The following TSC2 variants were observed in gnomAD, a reference collection of about 807,000 sequenced individuals.
TSC2 encodes the protein TSC complex subunit 2, also known as tuberin.
TSC2 carries 29 observed loss-of-function variants against 202.2 expected under a neutral mutation model. The ratio of observed to expected loss-of-function variants is 0.14; its 90% CI spans 0.11 to 0.20. The LOEUF (loss-of-function observed/expected upper bound fraction) is 0.20. Ranked by LOEUF, TSC2 falls within the 10% of genes least tolerant of loss-of-function variation. The probability of loss-of-function intolerance (pLI) is 1.00; values close to 1 mark genes in which losing one functional copy is unlikely to be tolerated. For missense variants in TSC2, 2,429 were observed against 2,420.0 expected (o/e 1.00, Z -0.08); for synonymous variants, 1,349 against 1,044.0 (o/e 1.29, Z -5.63).
At chr16:2,051,677 A>G (rs1038612786) in intron 3 of TSC2, among the ~76,000 whole-genome samples, 3 of 152,216 alleles carry the variant, frequency 2.0e-5, no homozygotes, top group African/African-American at 4.8e-5. Context: ...TGGACCTCTC[A>G]TGCTCAGATC....
At chr16:2,087,175 A>T (rs1423588536) in intron 38 of TSC2, 1 of 464,828 alleles carries the variant, frequency 2.2e-6, no homozygotes, top group African/African-American at 2.0e-5. Flanking sequence ...TTGGGCCCCC[A>T]CCATCTCCCC....
chr16:2,052,529 G>A (rs1201872520), intron 3 of TSC2, among the ~76,000 whole-genome samples: 1 of 152,122 alleles, frequency 6.6e-6, no homozygotes, highest in East Asian at 1.9e-4. Flanking sequence ...AGGCTAGTCT[G>A]AAACTCCTGG....
rs903216714 is a variant in TSC2 at position 2,048,059 on chromosome 16, G to C, written c.-36G>C. 5.6e-6 allele frequency: 8 copies of C among 1,424,828 alleles called. No individual in the cohort carries two copies. Among genetic ancestry groups the C allele is most frequent in the Non-Finnish European group, 7.3e-6 (8 of 1,096,730 alleles). The allele number at this position is 1,424,828 out of a possible 1,614,324, so 88.3% of individuals were successfully genotyped here. A position where few individuals can be genotyped will look rare whatever the true frequency, so the allele number is the denominator to read the frequency against. On this transcript the variant is annotated 5_prime_UTR_variant, in exon 1 of 42. Coordinates refer to ENST00000219476, the MANE Select transcript of TSC2 (RefSeq NM_000548.5). ...GGGCGGCCCGGAGCGCGGTGGCGCG[G>C]CGCGGGGTAAGTGGCGGTCCCCACG... is the stretch of plus-strand genomic sequence containing the variant.
In TSC2 at chr16:2,062,934, G is replaced by A. The variant is rs940548415; in HGVS notation, c.1362-38G>A. Reference sequence around the variant, plus strand: ...CGGGCTGGTGTGGGGCTGTGGCCGGGCACTCCCCACCCGCCCCAGCAGGCT... The same window carrying A: ...CGGGCTGGTGTGGGGCTGTGGCCGGACACTCCCCACCCGCCCCAGCAGGCT... On this transcript the variant is annotated intron_variant, in intron 13 of 41. Coordinates refer to ENST00000219476, the MANE Select transcript of TSC2 (RefSeq NM_000548.5). The A allele has an allele frequency of 5.8e-6, 9 of 1,543,118 alleles. No individual in the cohort carries two copies. The Admixed American group carries it at 1.2e-4, about 20-fold the overall frequency.
At chr16:2,059,532 T>C (rs1275696885) in intron 10 of TSC2, among the ~76,000 whole-genome samples, 2 of 147,742 alleles carry the variant, frequency 1.4e-5, no homozygotes, top group East Asian at 4.0e-4. Context: ...TTTTTTTTTT[T>C]TAATGGGACA....
In TSC2 at chr16:2,071,962, G is replaced by A. The variant is rs397514882; in HGVS notation, c.2097+28G>A. 2.4e-4 allele frequency: 367 copies of A among 1,551,700 alleles called. No homozygotes were observed. The highest frequency in any genetic ancestry group is 2.9e-4 in the Non-Finnish European group (334 of 1,147,606). On this transcript the variant is annotated intron_variant, in intron 19 of 41. Coordinates refer to ENST00000219476, the MANE Select transcript of TSC2 (RefSeq NM_000548.5). ...GAGTGGGGCCGGGCAGGGACCATCCGTCCCACGTTGGGCCAGGAGGACAGG... is the reference window on the plus strand; with the variant it reads ...GAGTGGGGCCGGGCAGGGACCATCCATCCCACGTTGGGCCAGGAGGACAGG...
intron 14 of TSC2, chr16:2,063,967 G>A (rs535540707): frequency 6.0e-4 from 292 of 485,246 alleles, no homozygotes; most frequent in Non-Finnish European, 8.1e-4. Flanking sequence ...AGGGGTTCTC[G>A]GCTGTGACAG....
rs2151640273 is a variant in TSC2, at chr16:2,088,518, GCA to G, written c.5335_5336del (p.Gln1779AspfsTer10). On this transcript the variant is annotated frameshift_variant, in exon 42 of 42. Transcript: ENST00000219476. LOFTEE classifies it high-confidence loss of function. Reference protein sequence around the residue: ...VHPPSHSKAPAQTPAEPTPGY... With the variant: ...VHPPSHSKAPXQTPAEPTPGY... ...CCCTCCGTCCCATAGCAAAGCCCCT[GCA>G]CAGACTCCAGCCGAGCCCACACCTG... 1.9e-6 allele frequency: 3 copies of G among 1,612,666 alleles called. No individual in the cohort carries two copies. The highest frequency in any genetic ancestry group is 2.5e-6 in the Non-Finnish European group (3 of 1,179,988).
Position 2,072,252 on chromosome 16 carries a change from G to C in TSC2, c.2109G>C (p.Trp703Cys). The C allele has an allele frequency of 6.2e-7, 1 of 1,614,094 alleles. No individual in the cohort carries two copies. Among genetic ancestry groups the C allele is most frequent in the East Asian group, 2.2e-5 (1 of 44,880 alleles). The change falls in exon 20 of 42, where the codon TGG (tryptophan) becomes TGC (cysteine). Residue 703 changes from tryptophan to cysteine, a missense_variant. Trp to Cys is a radical substitution (Grantham distance 215). Coordinates refer to ENST00000219476, the MANE Select transcript of TSC2 (RefSeq NM_000548.5). Reference protein sequence around the residue: ...LLQCLKQESDWKVLKLVLGRL... With the variant: ...LLQCLKQESDCKVLKLVLGRL... Reference sequence around the variant, plus strand: ...TCCTCTCCTCGCAGGAGTCTGACTGGAAGGTGCTGAAGCTGGTTCTGGGCA... The same window carrying C: ...TCCTCTCCTCGCAGGAGTCTGACTGCAAGGTGCTGAAGCTGGTTCTGGGCA...
chr16:2,088,217 A>C lies in TSC2; in HGVS notation c.5161-10A>C, dbSNP rs1800718. On this transcript the variant is annotated splice_polypyrimidine_tract_variant and intron_variant, in intron 40 of 41. Coordinates refer to ENST00000219476, the MANE Select transcript of TSC2 (RefSeq NM_000548.5). ...CTGATAGTGAGCTCACCCCCTGCCT[A>C]CGTCCCCAGATGGCCTCACAGGTGC... The C allele has an allele frequency of 0.22, 351,137 of 1,612,766 alleles. 45,089 individuals carry two copies. The highest frequency in any genetic ancestry group is 0.56 in the African/African-American group (42,042 of 74,900).
intron 10 of TSC2, 100 bp from the exon 11 acceptor site, chr16:2,060,570 C>T (rs2074968): frequency 3.1e-6 from 5 of 1,596,884 alleles, no homozygotes; most frequent in African/African-American, 2.7e-5. Context: ...GGGCACTGCG[C>T]GCTCAGGCGT....
At chr16:2,082,871 C>A (rs1007948725) in intron 32 of TSC2, 3 of 413,052 alleles carry the variant, frequency 7.3e-6, no homozygotes, top group African/African-American at 6.1e-5. Context: ...GCGGGCCTTG[C>A]CCTGGCCTTT....
Position 2,088,727 on chromosome 16 carries a change from T to A in TSC2, c.*117T>A. On this transcript the variant is annotated 3_prime_UTR_variant, in exon 42 of 42. Transcript: ENST00000219476. ...CACAGATTGCAGTCAGACAGCTCTTTTATTGACTTTGTCTGCTTGGTGCGG... is the reference window on the plus strand; with the variant it reads ...CACAGATTGCAGTCAGACAGCTCTTATATTGACTTTGTCTGCTTGGTGCGG... 7.2e-7 allele frequency: 1 copy of A among 1,387,338 alleles called. No homozygotes were observed. The highest frequency in any genetic ancestry group is 2.0e-4 in the Middle Eastern group (1 of 5,100). The allele number at this position is 1,387,338 out of a possible 1,614,324, so 85.9% of individuals were successfully genotyped here. A position where few individuals can be genotyped will look rare whatever the true frequency, so the allele number is the denominator to read the frequency against.
rs1323228446 is a variant in TSC2, at chr16:2,056,638, C to T, written c.649-6C>T. Reference sequence around the variant, plus strand: ...GACGGGCGTGAGCCGTCTCCCTCTCCACCAGGTCTCCCTGCAGGTGCTGGA... The same window carrying T: ...GACGGGCGTGAGCCGTCTCCCTCTCTACCAGGTCTCCCTGCAGGTGCTGGA... On this transcript the variant is annotated splice_region_variant and splice_polypyrimidine_tract_variant and intron_variant, in intron 7 of 41. Coordinates refer to ENST00000219476, the MANE Select transcript of TSC2 (RefSeq NM_000548.5). 1 of 1,609,662 alleles carries T rather than the reference C, an allele frequency of 6.2e-7. No homozygotes were observed. Among genetic ancestry groups the T allele is most frequent in the Non-Finnish European group, 8.5e-7 (1 of 1,179,950 alleles).
At chr16:2,075,525 CAAAAAAA>C (rs933350142) in intron 22 of TSC2, among the ~76,000 whole-genome samples, 11 of 27,288 alleles carry the variant, frequency 4.0e-4, no homozygotes, top group African/African-American at 5.1e-4. Flanking sequence ...AGACTCATCT[CAAAAAAA>C]AAAAAAAAAA....
intron 26 of TSC2, among the ~76,000 whole-genome samples, chr16:2,077,948 C>T (rs1418324707): frequency 6.6e-6 from 1 of 152,204 alleles, no homozygotes; most frequent in South Asian, 2.1e-4. Flanking sequence ...CCTCGGGGTG[C>T]CGCTCCGAGA....
intron 10 of TSC2, 138 bp from the exon 11 acceptor site, chr16:2,060,532 T>C (rs1267809693): frequency 1.2e-5 from 17 of 1,473,328 alleles, no homozygotes; most frequent in Admixed American, 1.7e-5. Context: ...CCACCTGCTG[T>C]TTCTGCGGCC....
chr16:2,069,372 A>G (rs1232817618), intron 16 of TSC2, among the ~76,000 whole-genome samples: 3 of 152,130 alleles, frequency 2.0e-5, no homozygotes, highest in South Asian at 2.1e-4. Context: ...GCTGGAGTGC[A>G]GTGGCGCAAT....
chr16:2,068,991 A>C (rs1452636620), intron 16 of TSC2, among the ~76,000 whole-genome samples: 1 of 151,608 alleles, frequency 6.6e-6, no homozygotes, highest in Non-Finnish European at 1.5e-5. Context: ...GGGACTGAGG[A>C]GGAAGGAGAG....
Sources: gnomAD v4.1 joint callset for allele counts (sites outside exome capture counted in the v4.1 genomes callset) on GRCh38, gnomAD v4.1.1 for gene constraint, MANE v1.5 for transcripts, NCBI Gene and HGNC (gene_info 2026-07-23, HGNC 2026-07-21) for gene names.